Variants in SPAG17 observed in about 807,000 individuals in gnomAD.
The protein encoded by SPAG17 is sperm associated antigen 17, also known as sperm-associated antigen 17.
A neutral mutation model predicts 273.6 loss-of-function variants in SPAG17; 169 were observed. The observed-to-expected ratio is 0.62, with a 90% CI of 0.55 to 0.70. SPAG17 has a LOEUF of 0.70. Ranked by LOEUF, SPAG17 falls within the 30% of genes least tolerant of loss-of-function variation. The pLI, the probability that SPAG17 is intolerant of heterozygous loss-of-function variation, is 0.00. For synonymous variants in SPAG17, 825 were observed against 873.2 expected, an observed-to-expected ratio of 0.94 and a Z score of 0.97; for missense variants, 2,557 against 2,627.8, an observed-to-expected ratio of 0.97 and a Z score of 0.59.
intron 20 of SPAG17, among the ~76,000 whole-genome samples, chr1:118,048,055 G>A (rs1650570051): frequency 6.6e-6 from 1 of 152,062 alleles, no homozygotes; most frequent in Non-Finnish European, 1.5e-5. Context: ...CTAGGACCCA[G>A]GCCTGTCCTC....
chr1:117,983,826 A>C lies in SPAG17; in HGVS notation c.5857T>G (p.Ser1953Ala). The change falls in exon 42 of 49, where the codon TCT (serine) becomes GCT (alanine). Residue 1953 changes from serine (S) to alanine (A), a missense_variant. Physicochemically the swap from Ser to Ala is moderately conservative, Grantham distance 99 (BLOSUM62 1). Transcript: ENST00000336338. Reference sequence around the variant, plus strand: ...AACATATTACCTAGATTAAGATCAGATGTATCTTGAACAGCTGTTTCGTTT... The same window carrying C: ...AACATATTACCTAGATTAAGATCAGCTGTATCTTGAACAGCTGTTTCGTTT... Reference protein sequence around the residue: ...DANETAVQDTSDLNLDFKPHK... With the variant: ...DANETAVQDTADLNLDFKPHK... 6.2e-7 allele frequency: 1 copy of C among 1,609,208 alleles called. No homozygotes were observed. Among genetic ancestry groups the C allele is most frequent in the Admixed American group, 1.7e-5 (1 of 59,598 alleles).
chr1:118,004,081 AG>A (rs1470939206), intron 32 of SPAG17, among the ~76,000 whole-genome samples: 2 of 152,134 alleles, frequency 1.3e-5, no homozygotes, highest in Non-Finnish European at 2.9e-5. Context: ...CTTCAGCTGC[AG>A]GTCTGTTGGA....
chr1:118,055,722 T>C lies in SPAG17; in HGVS notation c.2722+11A>G, dbSNP rs771341092. ...ATTTTATTCTACGTATAAGTTGAACTGGTTACTTACTTTTAGATTCTTTAA... is the reference window on the plus strand; with the variant it reads ...ATTTTATTCTACGTATAAGTTGAACCGGTTACTTACTTTTAGATTCTTTAA... On this transcript the variant is annotated intron_variant, in intron 19 of 48. Transcript: ENST00000336338. The C allele has an allele frequency of 6.3e-7, 1 of 1,590,036 alleles. No homozygotes were observed. The highest frequency in any genetic ancestry group is 1.1e-5 in the South Asian group (1 of 88,838).
intron 48 of SPAG17, among the ~76,000 whole-genome samples, chr1:117,954,921 C>T (rs1370715155): frequency 1.3e-5 from 2 of 152,042 alleles, no homozygotes; most frequent in African/African-American, 2.4e-5. Context: ...TCTAAATTAA[C>T]TTTTGAATCA....
At chr1:117,955,755 A>G (rs1317044939) in intron 48 of SPAG17, among the ~76,000 whole-genome samples, 3 of 150,694 alleles carry the variant, frequency 2.0e-5, no homozygotes, top group Non-Finnish European at 4.4e-5. Flanking sequence ...TTTGTTGTTC[A>G]TATTCTTCAA....
chr1:118,168,776 C>T (rs1189132302), intron 1 of SPAG17, among the ~76,000 whole-genome samples: 1 of 151,994 alleles, frequency 6.6e-6, no homozygotes, highest in Non-Finnish European at 1.5e-5. Flanking sequence ...CAGTGAGGGC[C>T]CTAATGGTGT....
Position 118,086,721 on chromosome 1 carries a change from G to A in SPAG17, c.1561C>T (p.Leu521Phe). 1 of 1,614,142 alleles carries A rather than the reference G, an allele frequency of 6.2e-7. No homozygotes were observed. Among genetic ancestry groups the A allele is most frequent in the South Asian group, 1.1e-5 (1 of 91,074 alleles). The change falls in exon 12 of 49, where the codon CTC becomes TTC. Residue 521 changes from leucine (L) to phenylalanine (F), a missense_variant. Leu to Phe is a conservative substitution (Grantham distance 22). Transcript: ENST00000336338. ...NESKAVPKGPLLLNYHDAHAH... is the reference protein window; with the variant it reads ...NESKAVPKGPFLLNYHDAHAH... ...TGTGCATCATGATAGTTCAGTAGGA[G>A]GGGGCCTTTGGGCACTGCTTTGCTT...
intron 3 of SPAG17, among the ~76,000 whole-genome samples, chr1:118,149,387 G>A (rs981049191): frequency 1.3e-5 from 2 of 152,132 alleles, no homozygotes; most frequent in Non-Finnish European, 2.9e-5. Context: ...AGAATCTTTT[G>A]GGGGGTTAAT....
In SPAG17 at chr1:118,152,971, C is replaced by T. The variant is rs369535243; in HGVS notation, c.88-1602G>A. Among the ~76,000 whole-genome samples the T allele has an allele frequency of 5.3e-5, 8 of 152,266 alleles. No individual in the cohort carries two copies. In the South Asian group the frequency reaches 1.5e-3, roughly 28 times the overall value. Reference sequence around the variant, plus strand: ...ACCTTGAAGTTCCTGATGACTACACCTTCCAAAACTGAAGATTTTAATAAC... The same window carrying T: ...ACCTTGAAGTTCCTGATGACTACACTTTCCAAAACTGAAGATTTTAATAAC... On this transcript the variant is annotated intron_variant, in intron 1 of 48. Coordinates refer to ENST00000336338, the MANE Select transcript of SPAG17 (RefSeq NM_206996.4).
At chr1:117,958,834 C>T in intron 48 of SPAG17, 14 of 774,694 alleles carry the variant, frequency 1.8e-5, no homozygotes, top group Middle Eastern at 2.6e-4. Flanking sequence ...GATATTGTGT[C>T]TGTTTACTGT....
chr1:118,030,722 G>A (rs1480602938), intron 25 of SPAG17, among the ~76,000 whole-genome samples: 1 of 152,078 alleles, frequency 6.6e-6, no homozygotes, highest in African/African-American at 2.4e-5. Context: ...TTAGTTTGCT[G>A]AGAATGATGG....
chr1:117,994,322 T>C, intron 35 of SPAG17, 84 bp downstream of exon 35: 1 of 1,353,248 alleles, frequency 7.4e-7, no homozygotes, highest in Non-Finnish European at 9.9e-7. Context: ...TATGAATATA[T>C]GGGAGAAGAC....
chr1:118,171,683 A>C (rs1244506140), intron 1 of SPAG17, among the ~76,000 whole-genome samples: 1 of 152,220 alleles, frequency 6.6e-6, no homozygotes, highest in Non-Finnish European at 1.5e-5. Flanking sequence ...GTATTAATAG[A>C]AAAATTTTCA....
intron 3 of SPAG17, among the ~76,000 whole-genome samples, chr1:118,150,090 GA>G (rs1235035907): frequency 6.6e-6 from 1 of 152,146 alleles, no homozygotes; most frequent in Non-Finnish European, 1.5e-5. Flanking sequence ...CAAACTGATG[GA>G]AAATCACTGC....
chr1:118,081,107 A>T lies in SPAG17; in HGVS notation c.2203T>A (p.Ser735Thr). 6.2e-7 allele frequency: 1 copy of T among 1,611,084 alleles called. No individual in the cohort carries two copies. The highest frequency in any genetic ancestry group is 8.5e-7 in the Non-Finnish European group (1 of 1,177,388). ...CACACACACTTTAACTTACCCAGAG[A>T]CTCATGTTGGGGCTGAGCCTTCATG... ...SIMKAQPQHE[S>T]LEQTTNNEIK... The change falls in exon 15 of 49, where the codon TCT (serine) becomes ACT (threonine). Residue 735 changes from serine (S) to threonine (T), a missense_variant. Ser to Thr is a moderately conservative substitution (Grantham distance 58). Transcript: ENST00000336338.
intron 1 of SPAG17, among the ~76,000 whole-genome samples, chr1:118,175,759 T>C (rs1383261862): frequency 6.6e-6 from 1 of 152,028 alleles, no homozygotes; most frequent in Non-Finnish European, 1.5e-5. Context: ...AACTAATGTG[T>C]AAAAAGAAAA....
chr1:118,085,539 C>T (rs1242903626), intron 13 of SPAG17, among the ~76,000 whole-genome samples: 5 of 144,786 alleles, frequency 3.5e-5, no homozygotes, highest in African/African-American at 1.0e-4. Context: ...TGCGCGCGCG[C>T]ACACACACAC....
chr1:118,146,611 C>G (rs1178741785), intron 3 of SPAG17, among the ~76,000 whole-genome samples: 1 of 152,174 alleles, frequency 6.6e-6, no homozygotes, highest in African/African-American at 2.4e-5. Flanking sequence ...ATTCCTATGG[C>G]CTTGCTTGAG....
chr1:118,058,323 T>A (rs1415362693), intron 18 of SPAG17, among the ~76,000 whole-genome samples: 1 of 152,106 alleles, frequency 6.6e-6, no homozygotes, highest in African/African-American at 2.4e-5. Context: ...TTCTCCCAGC[T>A]CAGACTCCCA....
Sources: gnomAD v4.1 joint callset for allele counts (sites outside exome capture counted in the v4.1 genomes callset) on GRCh38, gnomAD v4.1.1 for gene constraint, MANE v1.5 for transcripts, NCBI Gene and HGNC (gene_info 2026-07-23, HGNC 2026-07-21) for gene names.